Variants in TOMM40 observed in about 807,000 individuals in gnomAD.
TOMM40 encodes the protein translocase of outer mitochondrial membrane 40, also known as mitochondrial import receptor subunit TOM40 homolog.
TOMM40 carries 9 observed loss-of-function variants against 38.4 expected under a neutral mutation model. That is an observed-to-expected ratio of 0.23 (90% CI 0.14 to 0.41). The LOEUF (loss-of-function observed/expected upper bound fraction) is 0.41, where lower values mean the gene tolerates loss of function less well. Among genes scored for constraint, TOMM40 ranks in the 10% least tolerant of loss-of-function variants. The probability of loss-of-function intolerance (pLI) is 1.00; values close to 1 mark genes in which losing one functional copy is unlikely to be tolerated. For synonymous variants in TOMM40, 184 were observed against 210.0 expected, an observed-to-expected ratio of 0.88 and a Z score of 1.07; for missense variants, 299 against 486.5, an observed-to-expected ratio of 0.61 and a Z score of 3.63.
intron 5 of TOMM40, among the ~76,000 whole-genome samples, chr19:44,897,800 G>C (rs990014616): frequency 1.3e-5 from 2 of 149,948 alleles, no homozygotes; most frequent in Non-Finnish European, 3.0e-5. Flanking sequence ...AAGAGAGAGA[G>C]AGGGAGAGAT....
Position 44,901,212 on chromosome 19 carries a change from A to G in TOMM40, c.848A>G (p.Gln283Arg), listed in dbSNP as rs1360559878. Residue 283 changes from glutamine to arginine, a missense_variant, in exon 8 of 9, where the codon CAG becomes CGG. Transcript: ENST00000426677. ...GTGTTGCTCCGGCCCCTCCAGCTGC[A>G]GGTGGGTGTGGAGTTTGAGGCCAGC... is the stretch of plus-strand genomic sequence containing the variant. ...TYYHKASDQLQVGVEFEASTR... is the reference protein window; with the variant it reads ...TYYHKASDQLRVGVEFEASTR... The G allele has an allele frequency of 6.2e-7, 1 of 1,614,020 alleles. No homozygotes were observed. The highest frequency in any genetic ancestry group is 2.2e-5 in the East Asian group (1 of 44,902).
intron 3 of TOMM40, 141 bp downstream of exon 3, chr19:44,893,070 C>T: frequency 1.5e-6 from 1 of 662,010 alleles, no homozygotes; most frequent in Non-Finnish European, 2.6e-6. Context: ...CCGAGGTGCA[C>T]TGGGACACAA....
intron 5 of TOMM40, among the ~76,000 whole-genome samples, chr19:44,899,791 CT>C (rs10524523): frequency 2.4e-3 from 220 of 90,758 alleles, no homozygotes; most frequent in East Asian, 0.01. Context: ...TTGCATCTGG[CT>C]TTTTTTTTTT....
chr19:44,897,790 A>AG (rs1555789087), intron 5 of TOMM40, among the ~76,000 whole-genome samples: 12,829 of 146,060 alleles, frequency 0.088, 717 homozygotes, highest in Non-Finnish European at 0.12. Flanking sequence ...AAAAAAAAAA[A>AG]AGAGAGAGAG....
At position 44,893,869 on chromosome 19, in the gene TOMM40, G is replaced by A. The variant is rs1242051339; in HGVS notation, c.525G>A (p.Lys175=). The A allele has an allele frequency of 6.2e-7, 1 of 1,612,398 alleles. No homozygotes were observed. Among genetic ancestry groups the A allele is most frequent in the African/African-American group, 1.3e-5 (1 of 75,006 alleles). ...AGCTGGGCCCCGGTCTCAGGTCCAA[G>A]ATGGCCATCCAGGTGAGTGGGGCAC... ...IHQLGPGLRS[K]MAIQTQQSKF... is the part of the protein sequence containing the mutation. The change falls in exon 4 of 9, where the codon AAG becomes AAA. Residue 175 remains lysine (K), a synonymous_variant. Transcript: ENST00000426677.
chr19:44,901,416 G>A (rs1296606905), intron 8 of TOMM40, 106 bp downstream of exon 8: 1 of 1,519,970 alleles, frequency 6.6e-7, no homozygotes, highest in African/African-American at 1.4e-5. Context: ...CTGCCACCCT[G>A]TGGGCCTCCA....
intron 5 of TOMM40, among the ~76,000 whole-genome samples, chr19:44,899,599 G>A (rs569899163): frequency 6.7e-6 from 1 of 149,118 alleles, no homozygotes; most frequent in African/African-American, 2.5e-5. Flanking sequence ...ACAAGCATGA[G>A]CCACTGTGCC....
At chr19:44,903,007 C>T in intron 8 of TOMM40, 23 bp from the exon 9 acceptor site, 2 of 1,607,594 alleles carry the variant, frequency 1.2e-6, no homozygotes, top group South Asian at 1.1e-5. Flanking sequence ...TGGCACGCCT[C>T]TCACCTCAGC....
chr19:44,901,080 A>G lies in TOMM40; in HGVS notation c.819A>G (p.Thr273=). ...TGGGCCAGGCGGGCATGCACGCAAC[A>G]TACTACCACAAAGCCAGTGACCAGG... The part of the protein sequence containing the change: ...VTLGQAGMHA[T]YYHKASDQLQ... The change falls in exon 7 of 9, where the codon ACA becomes ACG. Residue 273 remains threonine, a synonymous_variant. Transcript: ENST00000426677. The G allele has an allele frequency of 1.2e-6, 2 of 1,614,244 alleles. No individual in the cohort carries two copies. Among genetic ancestry groups the G allele is most frequent in the Non-Finnish European group, 1.7e-6 (2 of 1,180,040 alleles).
At chr19:44,897,701 G>A (rs1293854423) in intron 5 of TOMM40, among the ~76,000 whole-genome samples, 3 of 151,584 alleles carry the variant, frequency 2.0e-5, no homozygotes, top group Non-Finnish European at 4.4e-5. Context: ...TTGAACCCGG[G>A]AGGCAGAGGT....
chr19:44,895,929 A>G (rs117100783), intron 5 of TOMM40, among the ~76,000 whole-genome samples: 96 of 152,300 alleles, frequency 6.3e-4, no homozygotes, highest in Non-Finnish European at 1.3e-3. Flanking sequence ...TCCCTGCTGC[A>G]TGGAATTCTT....
intron 5 of TOMM40, among the ~76,000 whole-genome samples, chr19:44,898,620 T>C (rs888042556): frequency 1.8e-4 from 26 of 147,668 alleles, no homozygotes; most frequent in Admixed American, 1.6e-3. Flanking sequence ...TTACTGCAAC[T>C]TCCGCCTCCC....
At chr19:44,898,623 C>T (rs1343784938) in intron 5 of TOMM40, among the ~76,000 whole-genome samples, 7 of 150,634 alleles carry the variant, frequency 4.6e-5, no homozygotes, top group South Asian at 4.2e-4. Flanking sequence ...CTGCAACTTC[C>T]GCCTCCCGGG....
intron 5 of TOMM40, among the ~76,000 whole-genome samples, chr19:44,895,678 C>T (rs1969551468): frequency 6.6e-6 from 1 of 152,110 alleles, no homozygotes; most frequent in Admixed American, 6.5e-5. Context: ...TCCCTAGTAG[C>T]TGGGACTACA....
In TOMM40 at chr19:44,901,060, C is replaced by G. The variant is rs1243705108; in HGVS notation, c.799C>G (p.Gln267Glu). The change falls in exon 7 of 9, where the codon CAG becomes GAG. Residue 267 changes from glutamine (Q) to glutamate (E), a missense_variant. Transcript: ENST00000426677. ...CTGGTTGGCAACGGTAACGTTGGGC[C>G]AGGCGGGCATGCACGCAACATACTA... is the stretch of plus-strand genomic sequence containing the variant. Reference protein sequence around the residue: ...NNWLATVTLGQAGMHATYYHK... With the variant: ...NNWLATVTLGEAGMHATYYHK... 6.2e-7 allele frequency: 1 copy of G among 1,614,132 alleles called. No homozygotes were observed. The highest frequency in any genetic ancestry group is 8.5e-7 in the Non-Finnish European group (1 of 1,180,054).
At chr19:44,895,764 C>T (rs1032659556) in intron 5 of TOMM40, among the ~76,000 whole-genome samples, 1 of 152,092 alleles carries the variant, frequency 6.6e-6, no homozygotes, top group East Asian at 1.9e-4. Flanking sequence ...CCAGGCTGAT[C>T]TCGAACTTCT....
chr19:44,898,371 C>T (rs1179963920), intron 5 of TOMM40, among the ~76,000 whole-genome samples: 2 of 152,076 alleles, frequency 1.3e-5, no homozygotes, highest in Non-Finnish European at 2.9e-5. Context: ...TCTCGTGGCC[C>T]CCAACCTCCC....
rs1969513714 is a variant in TOMM40, at chr19:44,893,866, C to T, written c.522C>T (p.Ser174=). The T allele has an allele frequency of 1.9e-6, 3 of 1,612,366 alleles. No homozygotes were observed. The highest frequency in any genetic ancestry group is 2.5e-6 in the Non-Finnish European group (3 of 1,180,010). The change falls in exon 4 of 9, where the codon TCC becomes TCT. Residue 174 remains serine, a synonymous_variant. Coordinates refer to ENST00000426677, the MANE Select transcript of TOMM40 (RefSeq NM_001128917.2). ...ACCAGCTGGGCCCCGGTCTCAGGTC[C>T]AAGATGGCCATCCAGGTGAGTGGGG... ...VIHQLGPGLR[S]KMAIQTQQSK...
chr19:44,898,511 C>CTTTTTTTTTTTTTTTTTTTTTTTTTTTT (rs34896370), intron 5 of TOMM40, among the ~76,000 whole-genome samples: 1 of 98,536 alleles, frequency 1.0e-5, no homozygotes, highest in Non-Finnish European at 1.9e-5. Flanking sequence ...TGTGTTGTTT[C>CTTTTTTTTTTTTTTTTTTTTTTTTTTTT]TTTTTTTTTT....
Sources: allele counts gnomAD v4.1 joint callset (sites outside exome capture counted in the v4.1 genomes callset), GRCh38; gene constraint gnomAD v4.1.1; transcripts MANE v1.5; gene names NCBI Gene and HGNC (gene_info 2026-07-23, HGNC 2026-07-21).